Variants in SCFD2 observed in about 807,000 individuals in gnomAD.
SCFD2 encodes sec1 family domain containing 2.
Under a neutral mutation model 58.9 loss-of-function variants are expected in SCFD2, and 54 were observed. The ratio of observed to expected loss-of-function variants is 0.92; its 90% CI spans 0.74 to 1.15. The LOEUF (loss-of-function observed/expected upper bound fraction) is 1.15, where lower values mean the gene tolerates loss of function less well. Ranked by LOEUF, SCFD2 falls within the 50% of genes most tolerant of loss-of-function variation. SCFD2 has a pLI of 0.00. For missense variants in SCFD2, 805 were observed against 836.6 expected, an observed-to-expected ratio of 0.96 and a Z score of 0.47; for synonymous variants, 321 against 335.9, an observed-to-expected ratio of 0.96 and a Z score of 0.49.
At chr4:53,191,550 G>A (rs886727986) in intron 4 of SCFD2, among the ~76,000 whole-genome samples, 27 of 152,062 alleles carry the variant, frequency 1.8e-4, no homozygotes, top group Admixed American at 1.0e-3. Flanking sequence ...GGGATTACAG[G>A]TGCATGCCAC....
chr4:53,033,708 A>G (rs925922224), intron 5 of SCFD2, among the ~76,000 whole-genome samples: 2 of 152,360 alleles, frequency 1.3e-5, no homozygotes, highest in African/African-American at 4.8e-5. Context: ...CAAATAAACT[A>G]GAAAATCTAG....
intron 5 of SCFD2, among the ~76,000 whole-genome samples, chr4:53,090,816 T>C (rs1192312794): frequency 6.6e-6 from 1 of 152,162 alleles, no homozygotes; most frequent in Non-Finnish European, 1.5e-5. Flanking sequence ...CAGAGCTTCA[T>C]ATATATTCTC....
At chr4:53,145,247 C>G (rs904412215) in intron 5 of SCFD2, 86 bp downstream of exon 5, 8 of 1,474,520 alleles carry the variant, frequency 5.4e-6, no homozygotes, top group Middle Eastern at 1.8e-4. Flanking sequence ...AAGATGGTTA[C>G]CTCCTCTTCC....
intron 5 of SCFD2, chr4:52,948,637 T>C: frequency 2.3e-6 from 1 of 431,642 alleles, no homozygotes; most frequent in Non-Finnish European, 4.7e-6. Flanking sequence ...GGAAATATTG[T>C]GCTAATTTCC....
chr4:53,087,165 A>C (rs912112217), intron 5 of SCFD2, among the ~76,000 whole-genome samples: 4 of 152,204 alleles, frequency 2.6e-5, no homozygotes, highest in Non-Finnish European at 5.9e-5. Context: ...TACCCACAAA[A>C]ATAAAATTCT....
At chr4:53,218,897 T>G (rs754453815) in intron 4 of SCFD2, among the ~76,000 whole-genome samples, 2 of 152,218 alleles carry the variant, frequency 1.3e-5, no homozygotes, top group Non-Finnish European at 2.9e-5. Flanking sequence ...GTTTGCTGGA[T>G]GTCCACTCCA....
At chr4:52,934,617 G>T (rs1156896332) in intron 5 of SCFD2, among the ~76,000 whole-genome samples, 1 of 152,174 alleles carries the variant, frequency 6.6e-6, no homozygotes, top group Non-Finnish European at 1.5e-5. Context: ...CTTCTGCAAA[G>T]CTTCACATAG....
intron 3 of SCFD2, among the ~76,000 whole-genome samples, chr4:53,287,050 AC>A (rs1731689880): frequency 6.6e-6 from 1 of 152,248 alleles, no homozygotes; most frequent in Admixed American, 6.5e-5. Context: ...TGGTGCCATG[AC>A]AGCTCTGTGC....
At chr4:53,037,652 A>G (rs755116541) in intron 5 of SCFD2, among the ~76,000 whole-genome samples, 1 of 152,188 alleles carries the variant, frequency 6.6e-6, no homozygotes, top group Non-Finnish European at 1.5e-5. Context: ...TATGTAACCA[A>G]TGAAAATGGC....
rs1719373679 is a variant in SCFD2 at position 52,907,489 on chromosome 4, G to A, written c.1810C>T (p.Leu604Phe). 1.2e-6 allele frequency: 2 copies of A among 1,614,014 alleles called. No homozygotes were observed. The highest frequency in any genetic ancestry group is 2.2e-5 in the East Asian group (1 of 44,874). The stretch of plus-strand genomic sequence containing the variant: ...AACATGCTAAATCCAGTTTTAAGGA[G>A]ATCAGTGAGGCCTGAAGACATGTGT... ...IEHMSSGLTDLLKTGFSMFMK... is the reference protein window; with the variant it reads ...IEHMSSGLTDFLKTGFSMFMK... Residue 604 changes from leucine (L) to phenylalanine (F), a missense_variant, in exon 7 of 9, where the codon CTC (leucine) becomes TTC (phenylalanine). Physicochemically the swap from Leu to Phe is conservative, Grantham distance 22. Transcript: ENST00000401642.
At chr4:53,265,197 T>G (rs1730947002) in intron 4 of SCFD2, among the ~76,000 whole-genome samples, 2 of 152,190 alleles carry the variant, frequency 1.3e-5, no homozygotes, top group Non-Finnish European at 2.9e-5. Context: ...AGAGGGGAAA[T>G]CAGATGTTGG....
intron 5 of SCFD2, among the ~76,000 whole-genome samples, chr4:53,044,907 C>CG (rs1242033003): frequency 2.4e-4 from 1 of 4,236 alleles, no homozygotes; most frequent in South Asian, 0.024. Flanking sequence ...CCACCCCCAA[C>CG]CCCCCCCCCC....
chr4:53,271,037 G>GTT (rs201441510), intron 4 of SCFD2, among the ~76,000 whole-genome samples: 1 of 151,364 alleles, frequency 6.6e-6, no homozygotes. Flanking sequence ...GATTCAGAAA[G>GTT]TTTTTTTTTC....
chr4:53,144,247 G>A (rs1413253695), intron 5 of SCFD2, among the ~76,000 whole-genome samples: 1 of 151,576 alleles, frequency 6.6e-6, no homozygotes, highest in Non-Finnish European at 1.5e-5. Flanking sequence ...AGGAGTTTGA[G>A]ATCAGCCTGG....
At chr4:52,978,060 C>T (rs1410840363) in intron 5 of SCFD2, among the ~76,000 whole-genome samples, 1 of 152,212 alleles carries the variant, frequency 6.6e-6, no homozygotes, top group Non-Finnish European at 1.5e-5. Context: ...ACTGCTGTAT[C>T]TCCAGTCCTT....
chr4:53,172,023 T>A (rs1488207908), intron 4 of SCFD2, among the ~76,000 whole-genome samples: 7 of 151,494 alleles, frequency 4.6e-5, no homozygotes, highest in Non-Finnish European at 7.4e-5. Context: ...TATTTATTTA[T>A]TGAGACAGAG....
chr4:53,014,849 G>T (rs2148810011), intron 5 of SCFD2, among the ~76,000 whole-genome samples: 1 of 152,260 alleles, frequency 6.6e-6, no homozygotes, highest in East Asian at 1.9e-4. Context: ...AGCTTGCTTT[G>T]GTACAGACGG....
chr4:53,037,474 C>T (rs1358007783), intron 5 of SCFD2, among the ~76,000 whole-genome samples: 3 of 151,912 alleles, frequency 2.0e-5, no homozygotes, highest in Non-Finnish European at 4.4e-5. Context: ...ATGTCTCAAG[C>T]TGAAGACATG....
At chr4:52,907,646 G>C in intron 6 of SCFD2, 55 bp from the exon 7 acceptor site, 2 of 1,575,630 alleles carry the variant, frequency 1.3e-6, no homozygotes, top group Non-Finnish European at 1.7e-6. Flanking sequence ...CTGGAGAGAG[G>C]ACAGCTTTAT....
Sources: gnomAD v4.1 joint callset for allele counts (sites outside exome capture counted in the v4.1 genomes callset) on GRCh38, gnomAD v4.1.1 for gene constraint, MANE v1.5 for transcripts, NCBI Gene and HGNC (gene_info 2026-07-23, HGNC 2026-07-21) for gene names.